HEATR5B: variants seen among roughly 807,000 people sequenced by gnomAD.
HEATR5B encodes the protein HEAT repeat containing 5B, also known as HEAT repeat-containing protein 5B.
A neutral mutation model predicts 224.1 loss-of-function variants in HEATR5B; 156 were observed. The observed-to-expected ratio is 0.70, with a 90% confidence interval of 0.61 to 0.80. The LOEUF (loss-of-function observed/expected upper bound fraction) is 0.80, where lower values mean the gene tolerates loss of function less well. HEATR5B is among the 30% of genes least tolerant of loss of function. HEATR5B has a pLI of 0.00. For missense variants in HEATR5B, 2,323 were observed against 2,535.5 expected (o/e 0.92, Z 1.80); for synonymous variants, 1,027 against 893.0 (o/e 1.15, Z -2.68).
In HEATR5B at chr2:37,077,319, T is replaced by C. The variant is rs191790915; in HGVS notation, c.339-300A>G. ...AGAAATCCAAGCTTTTCTTTTTTTT[T>C]TTAGGGGGAGACAAAGTCTCACTCT... On this transcript the variant is annotated intron_variant, in intron 3 of 35. Transcript: ENST00000233099. Among the ~76,000 whole-genome samples the C allele has an allele frequency of 4.3e-4, 66 of 152,280 alleles. 1 individual carries two copies. In the East Asian group the frequency reaches 0.011, roughly 25 times the overall value.
At position 36,981,660 on chromosome 2, in the gene HEATR5B, G is replaced by A. The variant is rs1256489969; in HGVS notation, c.6046C>T (p.Leu2016=). The change falls in exon 36 of 36, where the codon CTG becomes TTG. Residue 2016 remains leucine, a synonymous_variant. Coordinates refer to ENST00000233099, the MANE Select transcript of HEATR5B (RefSeq NM_019024.3). ...ACTGTCTTGAAAGCATGTGGATACA[G>A]AGGTCCAATATGCATTAAATTCTGG... is the stretch of plus-strand genomic sequence containing the variant. ...ALQNLMHIGP[L]YPHAFKTVMG... is the part of the protein sequence containing the mutation. 2 of 1,614,148 alleles carry A rather than the reference G, an allele frequency of 1.2e-6. No homozygotes were observed. The highest frequency in any genetic ancestry group is 2.2e-5 in the South Asian group (2 of 91,086).
At chr2:36,986,821 C>T (rs1302787428) in intron 35 of HEATR5B, among the ~76,000 whole-genome samples, 2 of 152,048 alleles carry the variant, frequency 1.3e-5, no homozygotes, top group African/African-American at 4.8e-5. Context: ...TTCATCATAT[C>T]GGTCAGGTTG....
chr2:37,029,893 C>T (rs887383436), intron 22 of HEATR5B, among the ~76,000 whole-genome samples: 9 of 151,118 alleles, frequency 6.0e-5, no homozygotes, highest in African/African-American at 7.3e-5. Flanking sequence ...GACCCGAGAC[C>T]GTGCCACTAC....
intron 11 of HEATR5B, 129 bp downstream of exon 11, chr2:37,061,810 A>T: frequency 1.7e-6 from 1 of 588,058 alleles, no homozygotes; most frequent in Non-Finnish European, 3.0e-6. Context: ...CGAGGAAAAC[A>T]TCTTTACACC....
intron 22 of HEATR5B, among the ~76,000 whole-genome samples, chr2:37,032,176 C>G (rs920594283): frequency 6.6e-6 from 1 of 152,144 alleles, no homozygotes; most frequent in African/African-American, 2.4e-5. Context: ...CAGAAATATT[C>G]TGATACTAAA....
In HEATR5B at chr2:37,060,575, T is replaced by G. The variant is rs750801157; in HGVS notation, c.1849+6A>C. 21 of 1,611,300 alleles carry G rather than the reference T, an allele frequency of 1.3e-5. No individual in the cohort carries two copies. The East Asian group carries it at 4.5e-4, about 34-fold the overall frequency. On this transcript the variant is annotated splice_donor_region_variant and intron_variant, in intron 12 of 35. Transcript: ENST00000233099. ...TATTGTGAAGCACAATCCTTTCAGT[T>G]CTTACCACATAGAGCTCCAGCACGA... is the stretch of plus-strand genomic sequence containing the variant.
chr2:37,070,099 C>T (rs1671817414), intron 7 of HEATR5B, 131 bp downstream of exon 7: 1 of 776,866 alleles, frequency 1.3e-6, no homozygotes, highest in Non-Finnish European at 2.1e-6. Context: ...GGGGTTTCAC[C>T]ATGTTAGTCA....
At chr2:37,071,657 C>A (rs1170463677) in intron 6 of HEATR5B, among the ~76,000 whole-genome samples, 2 of 151,424 alleles carry the variant, frequency 1.3e-5, no homozygotes, top group Non-Finnish European at 2.9e-5. Context: ...GTGACTACAT[C>A]AAGGAAAATG....
intron 27 of HEATR5B, among the ~76,000 whole-genome samples, chr2:37,009,829 A>C (rs1667679634): frequency 2.8e-5 from 4 of 141,654 alleles, no homozygotes; most frequent in South Asian, 2.2e-4. Context: ...TTCTGCCTCC[A>C]CCTTCCTAGA....
rs765096453 is a variant in HEATR5B at position 36,988,699 on chromosome 2, T to C, written c.5858A>G (p.Gln1953Arg). 2 of 1,614,192 alleles carry C rather than the reference T, an allele frequency of 1.2e-6. No individual in the cohort carries two copies. Among genetic ancestry groups the C allele is most frequent in the East Asian group, 2.2e-5 (1 of 44,876 alleles). Residue 1953 changes from glutamine (Q) to arginine (R), a missense_variant, in exon 35 of 36, where the codon CAA (glutamine) becomes CGA (arginine). By Grantham distance (43) the Gln-to-Arg change is conservative (BLOSUM62 1). Transcript: ENST00000233099. ...TGTTTCAAGAACTTTTATTCCTTCTTGAACCGCTAAAAGCTCTATGTTACT... is the reference window on the plus strand; with the variant it reads ...TGTTTCAAGAACTTTTATTCCTTCTCGAACCGCTAAAAGCTCTATGTTACT... ...PASNIELLAV[Q>R]EGIKVLETLV...
At chr2:37,031,328 T>A (rs1448258970) in intron 22 of HEATR5B, among the ~76,000 whole-genome samples, 1 of 152,174 alleles carries the variant, frequency 6.6e-6, no homozygotes, top group Non-Finnish European at 1.5e-5. Flanking sequence ...TTAAACACTT[T>A]TATATTTTAT....
At chr2:36,982,145 T>G (rs1665623493) in intron 35 of HEATR5B, among the ~76,000 whole-genome samples, 1 of 152,098 alleles carries the variant, frequency 6.6e-6, no homozygotes. Flanking sequence ...ATCAGGAGAT[T>G]GGAGTGAGGA....
intron 24 of HEATR5B, 50 bp downstream of exon 24, chr2:37,027,873 T>G (rs1668878349): frequency 6.3e-7 from 1 of 1,587,026 alleles, no homozygotes; most frequent in Non-Finnish European, 8.6e-7. Flanking sequence ...CAGCAAAATG[T>G]CTCAAGGTGT....
chr2:37,038,855 A>C (rs1162217430), intron 20 of HEATR5B, among the ~76,000 whole-genome samples: 1 of 135,384 alleles, frequency 7.4e-6, no homozygotes, highest in Non-Finnish European at 1.5e-5. Flanking sequence ...AGCTGAGATC[A>C]CGCCACTGCA....
intron 32 of HEATR5B, among the ~76,000 whole-genome samples, chr2:37,001,375 C>A (rs536955657): frequency 1.3e-5 from 2 of 152,118 alleles, no homozygotes. Context: ...CTCTGACCTG[C>A]AGCCATTGTA....
intron 18 of HEATR5B, among the ~76,000 whole-genome samples, chr2:37,045,517 G>T (rs74892338): frequency 0.017 from 2,562 of 152,222 alleles, 73 homozygotes; most frequent in African/African-American, 0.059. Flanking sequence ...TGAATAGTGG[G>T]AACACAAAAT....
At chr2:36,995,087 G>GTTTTTTGTTTT (rs1666601794) in intron 33 of HEATR5B, among the ~76,000 whole-genome samples, 2 of 104,132 alleles carry the variant, frequency 1.9e-5, no homozygotes, top group Non-Finnish European at 1.9e-5. Context: ...GTTATTCCTT[G>GTTTTTTGTTTT]TTTTTTTTTT....
At chr2:37,023,192 T>A (rs1471578953) in intron 24 of HEATR5B, among the ~76,000 whole-genome samples, 2 of 152,142 alleles carry the variant, frequency 1.3e-5, no homozygotes, top group Non-Finnish European at 2.9e-5. Flanking sequence ...CTGGATAAAA[T>A]TAATAGAGAT....
At chr2:37,016,492 G>T (rs1383576211) in intron 26 of HEATR5B, among the ~76,000 whole-genome samples, 1 of 152,084 alleles carries the variant, frequency 6.6e-6, no homozygotes. Flanking sequence ...AGGTAATAAG[G>T]TACCTGAACC....
Sources: allele counts gnomAD v4.1 joint callset (sites outside exome capture counted in the v4.1 genomes callset), GRCh38; gene constraint gnomAD v4.1.1; transcripts MANE v1.5; gene names NCBI Gene and HGNC (gene_info 2026-07-23, HGNC 2026-07-21).